Variants in SLC22A23 observed in about 807,000 individuals in gnomAD.
SLC22A23 encodes solute carrier family 22 member 23.
SLC22A23 carries 26 observed loss-of-function variants against 61.0 expected under a neutral mutation model. The observed-to-expected ratio is 0.43, with a 90% confidence interval of 0.31 to 0.59. The LOEUF is 0.59. Ranked by LOEUF, SLC22A23 falls within the 20% of genes least tolerant of loss-of-function variation. The probability of loss-of-function intolerance (pLI) is 0.11; values close to 1 mark genes in which losing one functional copy is unlikely to be tolerated. For missense variants in SLC22A23, 796 were observed against 934.7 expected, an observed-to-expected ratio of 0.85 and a Z score of 1.94; for synonymous variants, 430 against 413.9, an observed-to-expected ratio of 1.04 and a Z score of -0.47.
At chr6:3,447,623 C>T (rs561783351) in intron 1 of SLC22A23, among the ~76,000 whole-genome samples, 7 of 133,252 alleles carry the variant, frequency 5.3e-5, no homozygotes, top group Non-Finnish European at 9.3e-5. Context: ...GAGTCTTGCT[C>T]TGTTGCCCAG....
In SLC22A23 at chr6:3,304,413, A is replaced by G. The variant is rs532341690; in HGVS notation, c.1083-6195T>C. Among the ~76,000 whole-genome samples the G allele has an allele frequency of 9.1e-4, 138 of 152,370 alleles. No individual in the cohort carries two copies. The highest frequency in any genetic ancestry group is 3.4e-3 in the Middle Eastern group (1 of 294). On this transcript the variant is annotated intron_variant, in intron 4 of 9. Coordinates refer to ENST00000406686, the MANE Select transcript of SLC22A23 (RefSeq NM_015482.2). The surrounding 1 kb of genome is among the most constrained non-coding windows in gnomAD (Gnocchi z 4.3). ...TCTCTGAGAATTGCAAAGCTCATAG[A>G]AAAGATTTCAAGGATATTACTGTTT... is the stretch of plus-strand genomic sequence containing the variant.
At chr6:3,285,239 T>C in intron 7 of SLC22A23, 128 bp from the exon 8 acceptor site, 1 of 1,318,360 alleles carries the variant, frequency 7.6e-7, no homozygotes. Context: ...CAAACTCCCT[T>C]CCGTGTCTGG....
intron 2 of SLC22A23, among the ~76,000 whole-genome samples, chr6:3,412,096 G>C (rs1769299820): frequency 6.6e-6 from 1 of 152,144 alleles, no homozygotes; most frequent in Admixed American, 6.5e-5. Flanking sequence ...TGCAACGCCT[G>C]GCGCAGAGGA....
chr6:3,375,009 G>T (rs17248823), intron 3 of SLC22A23, among the ~76,000 whole-genome samples: 2 of 152,194 alleles, frequency 1.3e-5, no homozygotes, highest in Non-Finnish European at 2.9e-5. Flanking sequence ...AAGAGTAAAC[G>T]CAGAAAACTG....
chr6:3,446,168 C>T (rs965728109), intron 1 of SLC22A23, among the ~76,000 whole-genome samples: 3 of 152,184 alleles, frequency 2.0e-5, no homozygotes, highest in African/African-American at 7.2e-5. Flanking sequence ...AGGCCAGCGC[C>T]AGGGAGAAGT....
chr6:3,400,115 T>C (rs1048752465), intron 3 of SLC22A23, among the ~76,000 whole-genome samples: 7 of 152,192 alleles, frequency 4.6e-5, no homozygotes, highest in Non-Finnish European at 1.0e-4. Flanking sequence ...TGACCTCAAG[T>C]GATCCACCCG....
chr6:3,394,734 C>G (rs1255783505), intron 3 of SLC22A23, among the ~76,000 whole-genome samples: 1 of 152,202 alleles, frequency 6.6e-6, no homozygotes, highest in East Asian at 1.9e-4. Context: ...TAAGTCTCCA[C>G]GTCGCTCTGA....
At chr6:3,441,017 C>CA (rs1310710639) in intron 1 of SLC22A23, among the ~76,000 whole-genome samples, 8 of 152,208 alleles carry the variant, frequency 5.3e-5, no homozygotes, top group African/African-American at 1.9e-4. Flanking sequence ...GGAGAGACCA[C>CA]ATGGTGCTGG....
At chr6:3,352,306 CAAGCATGCACACACAG>C (rs1469012639) in intron 3 of SLC22A23, among the ~76,000 whole-genome samples, 1 of 151,624 alleles carries the variant, frequency 6.6e-6, no homozygotes, top group Non-Finnish European at 1.5e-5. Context: ...TAGACACTTA[CAAGCATGCACACACAG>C]ACATGCACAG....
chr6:3,335,738 C>T (rs927695036), intron 3 of SLC22A23, among the ~76,000 whole-genome samples: 3 of 152,154 alleles, frequency 2.0e-5, no homozygotes, highest in African/African-American at 7.2e-5. Flanking sequence ...TGGCAAAAAC[C>T]GTAATTACTT....
rs1238073768 is a variant in SLC22A23, at chr6:3,271,648, C to G, written c.*1407G>C. ...CAATGCCAGTAAGAAGCCAGGCTGTCCAGAAAAGCTGGTGCCCAAGTTGCT... is the reference window on the plus strand; with the variant it reads ...CAATGCCAGTAAGAAGCCAGGCTGTGCAGAAAAGCTGGTGCCCAAGTTGCT... On this transcript the variant is annotated 3_prime_UTR_variant, in exon 10 of 10. Transcript: ENST00000406686. 1 of 152,328 alleles carries G rather than the reference C, an allele frequency of 6.6e-6. No individual in the cohort carries two copies. The highest frequency in any genetic ancestry group is 1.5e-5 in the Non-Finnish European group (1 of 68,044). 9.4% of individuals were successfully genotyped at this position (152,328 alleles called of 1,614,324 possible).
At position 3,297,987 on chromosome 6, in the gene SLC22A23, G is replaced by T; in HGVS notation, c.1210+104C>A. 1 of 1,329,056 alleles carries T rather than the reference G, an allele frequency of 7.5e-7. No individual in the cohort carries two copies. The highest frequency in any genetic ancestry group is 9.9e-7 in the Non-Finnish European group (1 of 1,012,794). The allele number at this position is 1,329,056 out of a possible 1,614,324, so 82.3% of individuals were successfully genotyped here. A position where few individuals can be genotyped will look rare whatever the true frequency, so the allele number is the denominator to read the frequency against. ...CAGGCCAAAAGGTCACAGGAGAATT[G>T]CACAGCTGGTTAAAACAGCTGTTTG... On this transcript the variant is annotated intron_variant, in intron 5 of 9. Transcript: ENST00000406686. The surrounding 1 kb of genome is among the most constrained non-coding windows in gnomAD (Gnocchi z 4.3).
Position 3,327,727 on chromosome 6 carries a change from C to G in SLC22A23, c.914-3725G>C, listed in dbSNP as rs1449099315. Among the ~76,000 whole-genome samples the G allele has an allele frequency of 2.0e-5, 3 of 152,088 alleles. No individual in the cohort carries two copies. Among genetic ancestry groups the G allele is most frequent in the African/African-American group, 7.2e-5 (3 of 41,406 alleles). ...GTTACAATCTCGTGCATTATTTTTC[C>G]AGATTTTGGAATACTTGCATATACA... On this transcript the variant is annotated intron_variant, in intron 3 of 9. Transcript: ENST00000406686. This position sits in a 1 kb window ranked among gnomAD's most constrained non-coding sequence, Gnocchi z 4.1.
Position 3,442,922 on chromosome 6 carries a change from T to C in SLC22A23, c.654+12984A>G, listed in dbSNP as rs556460357. Among the ~76,000 whole-genome samples the C allele has an allele frequency of 2.6e-5, 4 of 152,284 alleles. No individual in the cohort carries two copies. The East Asian group carries it at 7.7e-4, about 29-fold the overall frequency. On this transcript the variant is annotated intron_variant, in intron 1 of 9. Coordinates refer to ENST00000406686, the MANE Select transcript of SLC22A23 (RefSeq NM_015482.2). ...CTCTTTGGTTCTCTGTTCAGATAAG[T>C]AAAGCAACTGTCTCAACTTTGAGAG... is the stretch of plus-strand genomic sequence containing the variant.
At chr6:3,323,802 C>T in intron 4 of SLC22A23, 32 bp downstream of exon 4, 1 of 1,588,164 alleles carries the variant, frequency 6.3e-7, no homozygotes, top group Non-Finnish European at 8.6e-7. Context: ...TGCAGTCGCA[C>T]CAGCCCAGGG....
At chr6:3,439,273 T>C (rs980755232) in intron 1 of SLC22A23, 4 of 439,198 alleles carry the variant, frequency 9.1e-6, no homozygotes, top group Non-Finnish European at 1.8e-5. Flanking sequence ...CATTGCCGAA[T>C]GTTCTCTGGG....
intron 6 of SLC22A23, 144 bp from the exon 7 acceptor site, chr6:3,287,235 C>T (rs1027339082): frequency 1.7e-5 from 12 of 707,324 alleles, no homozygotes; most frequent in African/African-American, 1.1e-4. Flanking sequence ...GACCGAACCA[C>T]GAGCAGATTA....
At chr6:3,440,080 G>A (rs9328172) in intron 1 of SLC22A23, among the ~76,000 whole-genome samples, 81,937 of 151,874 alleles carry the variant, frequency 0.54, 22,441 homozygotes, top group Middle Eastern at 0.75. Flanking sequence ...TAGGGTCCAA[G>A]GACCAAAACA....
Position 3,415,767 on chromosome 6 carries a change from C to T in SLC22A23, c.743G>A (p.Gly248Glu). 1.3e-6 allele frequency: 2 copies of T among 1,551,538 alleles called. No individual in the cohort carries two copies. The highest frequency in any genetic ancestry group is 1.7e-6 in the Non-Finnish European group (2 of 1,146,740). ...VGLIFGYLIT[G>E]CIADWVGRRP... is the part of the protein sequence containing the mutation. ...TGGTACTCACCAGTCAGCAATGCAT[C>T]CAGTTATTAGGTAGCCAAAGATTAA... Residue 248 changes from glycine to glutamate, a missense_variant, in exon 2 of 10, where the codon GGA (glycine) becomes GAA (glutamate). Gly to Glu is a moderately conservative substitution (Grantham distance 98, BLOSUM62 -2). Transcript: ENST00000406686.
Sources: gnomAD v4.1 joint callset for allele counts (sites outside exome capture counted in the v4.1 genomes callset) on GRCh38, gnomAD v4.1.1 for gene constraint, Gnocchi (gnomAD v3.1) non-coding constraint, MANE v1.5 for transcripts, NCBI Gene and HGNC (gene_info 2026-07-23, HGNC 2026-07-21) for gene names.